Variants in GPC5 observed in about 807,000 individuals in gnomAD.
GPC5 encodes the protein glypican-5.
In GPC5, 47 loss-of-function variants were observed where a neutral mutation model predicts 53.9. The ratio of observed to expected loss-of-function variants is 0.87; its 90% CI spans 0.69 to 1.11. The LOEUF is 1.11. GPC5 is among the 50% of genes most tolerant of loss of function. GPC5 has a pLI of 0.00. For synonymous variants in GPC5, 286 were observed against 263.3 expected (o/e 1.09, Z -0.84); for missense variants, 748 against 713.1 (o/e 1.05, Z -0.56).
chr13:92,636,336 A>T (rs1885404315), intron 7 of GPC5, among the ~76,000 whole-genome samples: 1 of 152,312 alleles, frequency 6.6e-6, no homozygotes. Context: ...AATCATTATC[A>T]TCTTGCAATA....
intron 7 of GPC5, among the ~76,000 whole-genome samples, chr13:92,473,115 G>T (rs373565918): frequency 6.6e-6 from 1 of 152,088 alleles, no homozygotes; most frequent in South Asian, 2.1e-4. Context: ...TTCCCAGGAT[G>T]GTGGTCTGAA....
chr13:91,538,013 G>A (rs1241758545), intron 2 of GPC5, among the ~76,000 whole-genome samples: 6 of 152,116 alleles, frequency 3.9e-5, no homozygotes, highest in Non-Finnish European at 1.5e-5. Context: ...AATAAAATGT[G>A]GTTTATGCAT....
At chr13:91,972,379 T>C (rs375981715) in intron 6 of GPC5, among the ~76,000 whole-genome samples, 3,560 of 152,188 alleles carry the variant, frequency 0.023, 133 homozygotes, top group African/African-American at 0.081. Flanking sequence ...TGAGATGGGT[T>C]TCCTGAATAC....
intron 2 of GPC5, among the ~76,000 whole-genome samples, chr13:91,640,760 CTG>C (rs1319931450): frequency 3.3e-5 from 5 of 151,140 alleles, no homozygotes; most frequent in Non-Finnish European, 7.4e-5. Context: ...GATCGCACCA[CTG>C]CACTCCAGCC....
At chr13:92,266,273 C>A (rs763065455) in intron 7 of GPC5, among the ~76,000 whole-genome samples, 3 of 152,016 alleles carry the variant, frequency 2.0e-5, no homozygotes, top group Admixed American at 6.6e-5. Flanking sequence ...CCAGTTGATA[C>A]GGATTAGAGT....
At chr13:91,861,666 A>G (rs549199325) in intron 5 of GPC5, among the ~76,000 whole-genome samples, 1 of 150,076 alleles carries the variant, frequency 6.7e-6, no homozygotes, top group African/African-American at 2.4e-5. Context: ...CTAATATGAC[A>G]ATCTCTACCT....
intron 6 of GPC5, among the ~76,000 whole-genome samples, chr13:91,974,923 T>G (rs2040283401): frequency 6.6e-6 from 1 of 152,074 alleles, no homozygotes; most frequent in Non-Finnish European, 1.5e-5. Context: ...AAAACAGAGA[T>G]ATAGATCAAT....
At chr13:92,316,525 A>T (rs116292685) in intron 7 of GPC5, among the ~76,000 whole-genome samples, 1,986 of 152,212 alleles carry the variant, frequency 0.013, 50 homozygotes, top group African/African-American at 0.045. Context: ...ATTTTTTACT[A>T]AATAGCTTTC....
chr13:92,454,072 C>CATAT (rs1878172707), intron 7 of GPC5, among the ~76,000 whole-genome samples: 3 of 152,148 alleles, frequency 2.0e-5, no homozygotes, highest in African/African-American at 7.2e-5. Flanking sequence ...AAGTGTTAAA[C>CATAT]ATATGTTCAT....
intron 6 of GPC5, among the ~76,000 whole-genome samples, chr13:91,975,993 CCAT>C (rs1341697388): frequency 6.6e-6 from 1 of 151,880 alleles, no homozygotes; most frequent in Non-Finnish European, 1.5e-5. Flanking sequence ...AAACTGGAAA[CCAT>C]CATTCTCAGC....
chr13:91,679,982 C>G (rs1417446606), intron 2 of GPC5, among the ~76,000 whole-genome samples: 1 of 151,650 alleles, frequency 6.6e-6, no homozygotes, highest in Non-Finnish European at 1.5e-5. Context: ...TATGGTAATT[C>G]AGACTTAAGT....
chr13:91,990,151 G>T (rs987379946), intron 6 of GPC5, among the ~76,000 whole-genome samples: 4 of 152,058 alleles, frequency 2.6e-5, no homozygotes, highest in Non-Finnish European at 5.9e-5. Context: ...TCTGGAATAA[G>T]TCTATTTTTA....
intron 6 of GPC5, among the ~76,000 whole-genome samples, chr13:91,940,539 C>T (rs1238597706): frequency 6.6e-6 from 1 of 151,980 alleles, no homozygotes; most frequent in Non-Finnish European, 1.5e-5. Context: ...TGAATGATAG[C>T]TCCATTTTTA....
rs555072415 is a variant in GPC5, at chr13:92,234,190, G to A, written c.1561+89201G>A. 4.6e-5 allele frequency among the ~76,000 whole-genome samples: 7 copies of A among 152,196 alleles called. No individual in the cohort carries two copies. In the South Asian group the frequency reaches 1.0e-3, roughly 23 times the overall value. Reference sequence around the variant, plus strand: ...TATATACCCAGTAATGAGATTGCTGGGACAAATGGTGTTTCTAGTTCTAGA... The same window carrying A: ...TATATACCCAGTAATGAGATTGCTGAGACAAATGGTGTTTCTAGTTCTAGA... On this transcript the variant is annotated intron_variant, in intron 7 of 7. Transcript: ENST00000377067.
chr13:91,623,390 T>C (rs2033914903), intron 2 of GPC5, among the ~76,000 whole-genome samples: 1 of 152,002 alleles, frequency 6.6e-6, no homozygotes, highest in Non-Finnish European at 1.5e-5. Flanking sequence ...CTCGAGACCA[T>C]GGTGCAACAC....
At chr13:92,003,149 A>G (rs965136084) in intron 6 of GPC5, among the ~76,000 whole-genome samples, 3 of 151,986 alleles carry the variant, frequency 2.0e-5, no homozygotes, top group Non-Finnish European at 2.9e-5. Context: ...CGTCTCTACT[A>G]AAAATACAAA....
At chr13:91,595,042 C>A (rs562525818) in intron 2 of GPC5, among the ~76,000 whole-genome samples, 2 of 140,922 alleles carry the variant, frequency 1.4e-5, no homozygotes, top group Non-Finnish European at 3.1e-5. Context: ...TTATTTATTT[C>A]TAGACGGAGA....
intron 7 of GPC5, among the ~76,000 whole-genome samples, chr13:92,703,131 T>G (rs977919119): frequency 6.6e-6 from 1 of 151,760 alleles, no homozygotes; most frequent in Non-Finnish European, 1.5e-5. Context: ...GTAATGTAGT[T>G]ATTTATTTCT....
At chr13:92,604,488 T>C (rs1884186579) in intron 7 of GPC5, among the ~76,000 whole-genome samples, 1 of 152,208 alleles carries the variant, frequency 6.6e-6, no homozygotes, top group Non-Finnish European at 1.5e-5. Context: ...TCTGGGCACC[T>C]AGAACTTTCT....
Sources: allele counts gnomAD v4.1 joint callset (sites outside exome capture counted in the v4.1 genomes callset), GRCh38; gene constraint gnomAD v4.1.1; transcripts MANE v1.5; gene names NCBI Gene and HGNC (gene_info 2026-07-23, HGNC 2026-07-21).